The following UCK2 variants were observed in gnomAD, a reference collection of about 807,000 sequenced individuals.
UCK2 encodes cytidine monophosphokinase 2.
Under a neutral mutation model 30.8 loss-of-function variants are expected in UCK2, and 6 were observed. The ratio of observed to expected loss-of-function variants is 0.19; its 90% CI spans 0.11 to 0.38. The LOEUF is 0.38. Among genes scored for constraint, UCK2 ranks in the 10% least tolerant of loss-of-function variants. UCK2 has a pLI of 1.00. For missense variants in UCK2, 210 were observed against 339.8 expected (o/e 0.62, Z 3.00); for synonymous variants, 125 against 133.6 (o/e 0.94, Z 0.45).
chr1:165,852,075 T>A (rs1385924561), intron 1 of UCK2, among the ~76,000 whole-genome samples: 1 of 152,216 alleles, frequency 6.6e-6, no homozygotes, highest in African/African-American at 2.4e-5. Flanking sequence ...GTAGAATGAT[T>A]TATATTCCTT....
chr1:165,876,594 A>G (rs546987700), intron 1 of UCK2, among the ~76,000 whole-genome samples: 2 of 152,228 alleles, frequency 1.3e-5, no homozygotes, highest in Non-Finnish European at 2.9e-5. Flanking sequence ...AAGAAAGTAC[A>G]TCCTCTGTGA....
At position 165,896,269 on chromosome 1, in the gene UCK2, C is replaced by T. The variant is rs1478901876; in HGVS notation, c.436C>T (p.Arg146Ter). Residue 146 changes from arginine to a stop codon, truncating the protein, a stop_gained, in exon 4 of 7, where the codon CGA becomes TGA. Coordinates refer to ENST00000367879, the MANE Select transcript of UCK2 (RefSeq NM_012474.5). LOFTEE classifies it high-confidence loss of function. Reference sequence around the variant, plus strand: ...CCTGGCCTTCTACTCCCAGGAGGTACGAGACCTGTTCCAGATGAAGCTTTT... The same window carrying T: ...CCTGGCCTTCTACTCCCAGGAGGTATGAGACCTGTTCCAGATGAAGCTTTT... ...GILAFYSQEV[R>*]DLFQMKLFVD... 1 of 1,614,202 alleles carries T rather than the reference C, an allele frequency of 6.2e-7. No individual in the cohort carries two copies. The highest frequency in any genetic ancestry group is 1.7e-5 in the Admixed American group (1 of 60,024).
chr1:165,891,059 G>A, intron 2 of UCK2, 167 bp from the exon 3 acceptor site: 1 of 608,884 alleles, frequency 1.6e-6, no homozygotes, highest in South Asian at 2.0e-5. Flanking sequence ...TGAGATACAG[G>A]GAGCATCCAT....
At chr1:165,887,903 CA>C (rs1655661431) in intron 1 of UCK2, among the ~76,000 whole-genome samples, 1 of 152,128 alleles carries the variant, frequency 6.6e-6, no homozygotes, top group Admixed American at 6.5e-5. Flanking sequence ...TCTGTGGTCC[CA>C]AAGTCCAGAG....
chr1:165,828,740 G>A (rs562989479), intron 1 of UCK2, among the ~76,000 whole-genome samples: 6 of 152,172 alleles, frequency 3.9e-5, no homozygotes, highest in Non-Finnish European at 8.8e-5. Context: ...GCAAGGCAAG[G>A]AGAGACAAGG....
chr1:165,907,706 G>A lies in UCK2; in HGVS notation c.669G>A (p.Gln223=), dbSNP rs1571304450. The change falls in exon 7 of 7, where the codon CAG becomes CAA. Residue 223 remains glutamine (Q), a synonymous_variant. Coordinates refer to ENST00000367879, the MANE Select transcript of UCK2 (RefSeq NM_012474.5). ...CAGTGGCCATCAACCTCATCGTGCA[G>A]CACATCCAGGACATCCTGAATGGAG... ...DNLVAINLIV[Q]HIQDILNGGP... 1 of 1,614,180 alleles carries A rather than the reference G, an allele frequency of 6.2e-7. No homozygotes were observed. Among genetic ancestry groups the A allele is most frequent in the Non-Finnish European group, 8.5e-7 (1 of 1,180,038 alleles).
At chr1:165,907,537 T>C in intron 6 of UCK2, 147 bp from the exon 7 acceptor site, 2 of 1,100,478 alleles carry the variant, frequency 1.8e-6, no homozygotes, top group Non-Finnish European at 2.6e-6. Flanking sequence ...ACTGGGAAGT[T>C]GGATGACTTG....
intron 6 of UCK2, among the ~76,000 whole-genome samples, chr1:165,907,337 T>C (rs1647699509): frequency 6.6e-6 from 1 of 152,208 alleles, no homozygotes; most frequent in Non-Finnish European, 1.5e-5. Context: ...TCATAGCTAA[T>C]TGACGTGTCA....
chr1:165,863,298 G>A (rs1654964930), intron 1 of UCK2, among the ~76,000 whole-genome samples: 1 of 152,230 alleles, frequency 6.6e-6, no homozygotes, highest in African/African-American at 2.4e-5. Context: ...TTGGCCATTT[G>A]TTGTGAATGG....
chr1:165,861,730 C>A (rs1654914385), intron 1 of UCK2, among the ~76,000 whole-genome samples: 1 of 150,740 alleles, frequency 6.6e-6, no homozygotes, highest in East Asian at 1.9e-4. Context: ...GCATTCCCTA[C>A]CTGGCCATTT....
At chr1:165,855,537 C>T (rs1032263424) in intron 1 of UCK2, among the ~76,000 whole-genome samples, 4 of 145,976 alleles carry the variant, frequency 2.7e-5, no homozygotes, top group Non-Finnish European at 4.5e-5. Context: ...TTCTTGCAAG[C>T]TCCTTCTGTC....
chr1:165,879,879 G>A (rs547644111), intron 1 of UCK2, among the ~76,000 whole-genome samples: 11 of 152,274 alleles, frequency 7.2e-5, no homozygotes, highest in African/African-American at 1.9e-4. Flanking sequence ...AAAAAGGAAC[G>A]GAAGTGGGTG....
At chr1:165,901,723 G>T (rs1647472569) in intron 4 of UCK2, among the ~76,000 whole-genome samples, 1 of 152,126 alleles carries the variant, frequency 6.6e-6, no homozygotes, top group Admixed American at 6.5e-5. Context: ...TTAATTAAGA[G>T]AATCTACTTC....
intron 1 of UCK2, among the ~76,000 whole-genome samples, chr1:165,850,927 ATT>A (rs61491030): frequency 8.6e-4 from 95 of 109,924 alleles, no homozygotes; most frequent in African/African-American, 3.1e-3. Context: ...TGGCCTTTAA[ATT>A]TTTTTTTTTT....
rs75448261 is a variant in UCK2 at position 165,834,681 on chromosome 1, T to A, written c.99+6749T>A. 2.6e-3 allele frequency among the ~76,000 whole-genome samples: 400 copies of A among 152,310 alleles called. 2 individuals are homozygous for A. Among genetic ancestry groups the A allele is most frequent in the African/African-American group, 9.1e-3 (380 of 41,572 alleles). The stretch of plus-strand genomic sequence containing the variant: ...AATTCAGTTTGCTTTGCCAACTCGC[T>A]ATTGGCAATACTCTTTCCATAACAT... On this transcript the variant is annotated intron_variant, in intron 1 of 6. Transcript: ENST00000367879.
chr1:165,873,779 G>T (rs549282466), intron 1 of UCK2, among the ~76,000 whole-genome samples: 12 of 152,078 alleles, frequency 7.9e-5, no homozygotes, highest in South Asian at 2.1e-4. Context: ...GCCGAGACGT[G>T]GGGGGTGGTG....
At chr1:165,898,266 G>A (rs7520107) in intron 4 of UCK2, among the ~76,000 whole-genome samples, 36,490 of 145,600 alleles carry the variant, frequency 0.25, 4,890 homozygotes, top group South Asian at 0.43. Context: ...GTGCAAATTG[G>A]CAAATTGTGT....
chr1:165,829,760 C>G (rs1653996111), intron 1 of UCK2, among the ~76,000 whole-genome samples: 1 of 152,194 alleles, frequency 6.6e-6, no homozygotes, highest in Non-Finnish European at 1.5e-5. Flanking sequence ...GTAGCTAATT[C>G]TCTGCTATTT....
chr1:165,861,770 G>A (rs1427775090), intron 1 of UCK2, among the ~76,000 whole-genome samples: 1 of 151,902 alleles, frequency 6.6e-6, no homozygotes, highest in Admixed American at 6.6e-5. Flanking sequence ...GTTAAAGGAG[G>A]TTAACAACCT....
Sources: allele counts gnomAD v4.1 joint callset (sites outside exome capture counted in the v4.1 genomes callset), GRCh38; gene constraint gnomAD v4.1.1; transcripts MANE v1.5; gene names NCBI Gene and HGNC (gene_info 2026-07-23, HGNC 2026-07-21).